The following MOGAT2 variants were observed in gnomAD, a reference collection of about 807,000 sequenced individuals.
MOGAT2 encodes monoacylglycerol O-acyltransferase 2, also known as 2-acylglycerol O-acyltransferase 2.
Under a neutral mutation model 31.5 loss-of-function variants are expected in MOGAT2, and 27 were observed. That is an observed-to-expected ratio of 0.86 (90% CI 0.63 to 1.18). The LOEUF is 1.18. Among genes scored for constraint, MOGAT2 ranks in the 50% most tolerant of loss-of-function variants. MOGAT2 has a pLI of 0.00. For synonymous variants in MOGAT2, 163 were observed against 170.0 expected (o/e 0.96, Z 0.32); for missense variants, 436 against 433.2 (o/e 1.01, Z -0.06).
intron 2 of MOGAT2, among the ~76,000 whole-genome samples, chr11:75,724,053 A>T (rs1944398906): frequency 6.6e-6 from 1 of 152,206 alleles, no homozygotes; most frequent in South Asian, 2.1e-4. Flanking sequence ...GAAATAATTG[A>T]GCCACAGAGG....
rs1367791391 is a variant in MOGAT2, at chr11:75,719,997, A to T, written c.97A>T (p.Ile33Phe). 3.7e-6 allele frequency: 6 copies of T among 1,613,702 alleles called. No homozygotes were observed. The highest frequency in any genetic ancestry group is 5.1e-6 in the Non-Finnish European group (6 of 1,179,982). The change falls in exon 2 of 6, where the codon ATC (isoleucine) becomes TTC (phenylalanine). Residue 33 changes from isoleucine (I) to phenylalanine (F), a missense_variant. Ile to Phe is a conservative substitution (Grantham distance 21, BLOSUM62 0). Coordinates refer to ENST00000198801, the MANE Select transcript of MOGAT2 (RefSeq NM_025098.4). ...GCTCCTTCTTCCCTCCCCAGCCGAG[A>T]TCTGCACTGTGGGCTTCATAGCCCT... ...FVFSFLALAE[I>F]CTVGFIALLF...
At chr11:75,725,642 C>A (rs1944416228) in intron 2 of MOGAT2, among the ~76,000 whole-genome samples, 1 of 152,220 alleles carries the variant, frequency 6.6e-6, no homozygotes, top group South Asian at 2.1e-4. Flanking sequence ...CTGGATGGGG[C>A]AGACAGGCTC....
intron 2 of MOGAT2, among the ~76,000 whole-genome samples, chr11:75,724,055 C>T (rs918349707): frequency 4.6e-5 from 7 of 152,218 alleles, no homozygotes; most frequent in Admixed American, 3.3e-4. Context: ...AATAATTGAG[C>T]CACAGAGGGG....
rs1484711835 is a variant in MOGAT2 at position 75,731,175 on chromosome 11, G to C, written c.894G>C (p.Glu298Asp). The C allele has an allele frequency of 1.2e-6, 2 of 1,614,100 alleles. No homozygotes were observed. The highest frequency in any genetic ancestry group is 2.2e-5 in the South Asian group (2 of 91,078). Residue 298 changes from glutamate to aspartate, a missense_variant, in exon 6 of 6, where the codon GAG (glutamate) becomes GAC (aspartate). Glu to Asp is a conservative substitution (Grantham distance 45, BLOSUM62 2). Coordinates refer to ENST00000198801, the MANE Select transcript of MOGAT2 (RefSeq NM_025098.4). ...TACAGAAGACGCTGCATCCCTCGGA[G>C]GAGGAGGTGAACCAGCTGCACCAGC... is the stretch of plus-strand genomic sequence containing the variant. ...IEVQKTLHPS[E>D]EEVNQLHQRY...
Position 75,728,946 on chromosome 11 carries a change from C to T in MOGAT2, c.807C>T (p.Tyr269=), listed in dbSNP as rs781423297. The part of the protein sequence containing the change: ...PLFHGRGVFQ[Y]SFGLIPYRRP... The stretch of plus-strand genomic sequence containing the variant: ...TTCATGGCCGTGGTGTCTTCCAGTA[C>T]AGCTTTGGTTTAATACCCTACCGCC... Residue 269 remains tyrosine (Y), a synonymous_variant, in exon 5 of 6, where the codon TAC becomes TAT. Coordinates refer to ENST00000198801, the MANE Select transcript of MOGAT2 (RefSeq NM_025098.4). 1.2e-6 allele frequency: 2 copies of T among 1,614,156 alleles called. No individual in the cohort carries two copies. The highest frequency in any genetic ancestry group is 2.2e-5 in the East Asian group (1 of 44,890).
rs369433013 is a variant in MOGAT2 at position 75,720,106 on chromosome 11, G to A, written c.206G>A (p.Arg69Gln). The change falls in exon 2 of 6, where the codon CGG becomes CAG. Residue 69 changes from arginine (R) to glutamine (Q), a missense_variant. Transcript: ENST00000198801. ...CGAGACAAGCCACGGCAGGGGGGCC[G>A]GCACATCCAGGCCATCAGGTGCTGG... is the stretch of plus-strand genomic sequence containing the variant. ...LDRDKPRQGG[R>Q]HIQAIRCWTI... 6.8e-6 allele frequency: 11 copies of A among 1,614,006 alleles called. No homozygotes were observed. Among genetic ancestry groups the A allele is most frequent in the South Asian group, 4.4e-5 (4 of 91,066 alleles).
At chr11:75,725,646 C>T (rs116217819) in intron 2 of MOGAT2, among the ~76,000 whole-genome samples, 3,477 of 152,336 alleles carry the variant, frequency 0.023, 129 homozygotes, top group African/African-American at 0.074. Flanking sequence ...ATGGGGCAGA[C>T]AGGCTCCAGG....
intron 1 of MOGAT2, among the ~76,000 whole-genome samples, chr11:75,718,823 G>A (rs1297387704): frequency 6.6e-6 from 1 of 152,156 alleles, no homozygotes; most frequent in Non-Finnish European, 1.5e-5. Flanking sequence ...GAGTCCGTGG[G>A]GTTTTTCCTT....
chr11:75,727,774 C>G, intron 3 of MOGAT2, 135 bp downstream of exon 3: 1 of 1,054,456 alleles, frequency 9.5e-7, no homozygotes, highest in East Asian at 2.4e-5. Flanking sequence ...TCCTACAGCA[C>G]CATGCTGGGC....
At chr11:75,720,210 C>T (rs1944366055) in intron 2 of MOGAT2, 40 bp downstream of exon 2, 2 of 1,586,122 alleles carry the variant, frequency 1.3e-6, no homozygotes, top group Non-Finnish European at 1.7e-6. Context: ...AGGGAGTTGG[C>T]TGGGGTGTGG....
intron 4 of MOGAT2, chr11:75,728,544 C>T (rs1944443022): frequency 3.4e-6 from 2 of 585,042 alleles, no homozygotes; most frequent in East Asian, 5.8e-5. Context: ...GGAGGACTCT[C>T]TGAAGCATTC....
chr11:75,729,740 C>T (rs999236773), intron 5 of MOGAT2, among the ~76,000 whole-genome samples: 33 of 121,388 alleles, frequency 2.7e-4, no homozygotes, highest in Non-Finnish European at 2.8e-4. Flanking sequence ...GGGTTTAATT[C>T]TTTTTTTTTT....
chr11:75,718,182 T>C (rs1944346568), intron 1 of MOGAT2, among the ~76,000 whole-genome samples: 1 of 152,198 alleles, frequency 6.6e-6, no homozygotes, highest in African/African-American at 2.4e-5. Context: ...AGTCACCGTC[T>C]GCTGCTCTGG....
chr11:75,725,594 G>A (rs1322896986), intron 2 of MOGAT2, among the ~76,000 whole-genome samples: 1 of 148,756 alleles, frequency 6.7e-6, no homozygotes, highest in Non-Finnish European at 1.5e-5. Flanking sequence ...CAGAGGCCAT[G>A]TCCGGGTCAA....
At chr11:75,730,914 C>CAAAAAA (rs767670159) in intron 5 of MOGAT2, 164 of 173,644 alleles carry the variant, frequency 9.4e-4, no homozygotes, top group African/African-American at 5.8e-3. Context: ...GACTCTACCT[C>CAAAAAA]AAAAAAAAAA....
In MOGAT2 at chr11:75,717,906, C is replaced by T. The variant is rs1425164080; in HGVS notation, c.18C>T (p.Pro6=). The T allele has an allele frequency of 1.2e-6, 2 of 1,614,142 alleles. No individual in the cohort carries two copies. Among genetic ancestry groups the T allele is most frequent in the South Asian group, 1.1e-5 (1 of 91,066 alleles). Residue 6 remains proline, a synonymous_variant, in exon 1 of 6, where the codon CCC becomes CCT. Coordinates refer to ENST00000198801, the MANE Select transcript of MOGAT2 (RefSeq NM_025098.4). ...CCGCCAGCATGGTAGAGTTCGCGCC[C>T]TTGTTTATGCCGTGGGAGCGCAGGC... is the stretch of plus-strand genomic sequence containing the variant. MVEFA[P]LFMPWERRLQ...
chr11:75,717,937 A>T lies in MOGAT2; in HGVS notation c.49A>T (p.Thr17Ser), dbSNP rs1944343813. Residue 17 changes from threonine to serine, a missense_variant, in exon 1 of 6, where the codon ACA becomes TCA. Transcript: ENST00000198801. ...LFMPWERRLQ[T>S]LAVLQFVFSF... ...TATGCCGTGGGAGCGCAGGCTGCAG[A>T]CACTTGCTGTCCTACAGTTTGTCTT... is the stretch of plus-strand genomic sequence containing the variant. 6.2e-7 allele frequency: 1 copy of T among 1,614,094 alleles called. No individual in the cohort carries two copies. Among genetic ancestry groups the T allele is most frequent in the Non-Finnish European group, 8.5e-7 (1 of 1,180,038 alleles).
intron 2 of MOGAT2, among the ~76,000 whole-genome samples, chr11:75,726,696 A>ATTTTT (rs1186269725): frequency 4.1e-5 from 5 of 123,188 alleles, no homozygotes; most frequent in Admixed American, 8.2e-5. Context: ...AGGAACATTG[A>ATTTTT]TTTTTTTTTT....
Position 75,732,528 on chromosome 11 carries a change from C to T in MOGAT2, c.*1242C>T, listed in dbSNP as rs117335006. On this transcript the variant is annotated 3_prime_UTR_variant, in exon 6 of 6. Coordinates refer to ENST00000198801, the MANE Select transcript of MOGAT2 (RefSeq NM_025098.4). ...CCTGCCGTTTGCCACTCTCCAGCAT[C>T]TGGCCCAGCCTGTCCATCCTCATCT... 8.4e-3 allele frequency: 1,284 copies of T among 152,520 alleles called. 6 individuals carry two copies. The highest frequency in any genetic ancestry group is 0.013 in the Non-Finnish European group (901 of 68,180). The allele number at this position is 152,520 out of a possible 1,614,324, so 9.4% of individuals were successfully genotyped here.
Sources: gnomAD v4.1 joint callset for allele counts (sites outside exome capture counted in the v4.1 genomes callset) on GRCh38, gnomAD v4.1.1 for gene constraint, MANE v1.5 for transcripts, NCBI Gene and HGNC (gene_info 2026-07-23, HGNC 2026-07-21) for gene names.